TENM2: variants seen among roughly 807,000 people sequenced by gnomAD.
TENM2 encodes the protein teneurin-2.
A neutral mutation model predicts 245.2 loss-of-function variants in TENM2; 52 were observed. The ratio of observed to expected loss-of-function variants is 0.21; its 90% CI spans 0.17 to 0.27. The LOEUF is 0.27. TENM2 is among the 10% of genes least tolerant of loss of function. TENM2 has a pLI of 1.00. For missense variants in TENM2, 3,046 were observed against 3,666.8 expected (o/e 0.83, Z 4.37); for synonymous variants, 1,363 against 1,438.9 (o/e 0.95, Z 1.19).
chr5:167,735,406 T>C (rs568772358), intron 2 of TENM2, among the ~76,000 whole-genome samples: 1 of 152,352 alleles, frequency 6.6e-6, no homozygotes, highest in Admixed American at 6.5e-5. Context: ...TGAGAAAAAC[T>C]AATCAGTCAA....
At position 167,444,298 on chromosome 5, in the gene TENM2, T is replaced by TACACACACACACACACAC. The variant is rs140953889; in HGVS notation, c.502+68831_502+68848dup. Among the ~76,000 whole-genome samples, 3 of 150,396 alleles carry TACACACACACACACACAC rather than the reference T, an allele frequency of 2.0e-5. No homozygotes were observed. In the East Asian group the frequency reaches 5.9e-4, roughly 30 times the overall value. ...TTATGCACACATGCACACATACACA[T>TACACACACACACACACAC]ACACACACACACACACACACACAAT... On this transcript the variant is annotated intron_variant, in intron 2 of 28. Transcript: ENST00000518659.
At chr5:168,130,359 A>G (rs1754466918) in intron 12 of TENM2, 3 of 152,252 alleles carry the variant, frequency 2.0e-5, no homozygotes. Context: ...TAAAAGTTAA[A>G]TATATGGCAT....
At chr5:168,249,294 A>G (rs1412142193) in intron 27 of TENM2, among the ~76,000 whole-genome samples, 1 of 152,162 alleles carries the variant, frequency 6.6e-6, no homozygotes, top group Admixed American at 6.6e-5. Flanking sequence ...TCATCTGGTG[A>G]GAGACATATT....
intron 2 of TENM2, among the ~76,000 whole-genome samples, chr5:167,681,514 A>G (rs1473756731): frequency 6.6e-6 from 1 of 152,288 alleles, no homozygotes; most frequent in South Asian, 2.1e-4. Flanking sequence ...CTGGACAGAT[A>G]CCTAAAATTA....
rs78249797 is a variant in TENM2 at position 168,236,079 on chromosome 5, T to G, written c.5520+7949T>G. On this transcript the variant is annotated intron_variant, in intron 25 of 28. Coordinates refer to ENST00000518659, the Ensembl canonical transcript of TENM2. The stretch of plus-strand genomic sequence containing the variant: ...TCCAGTGTGGCTGGAGTAAACCAGC[T>G]GAGGGTAAGGTCAAGGGGTAGAGCC... Among the ~76,000 whole-genome samples, 331 of 152,312 alleles carry G rather than the reference T, an allele frequency of 2.2e-3. 3 individuals are homozygous for G. In the East Asian group the frequency reaches 0.034, roughly 16 times the overall value.
At chr5:167,940,510 G>A (rs1779091759) in intron 3 of TENM2, among the ~76,000 whole-genome samples, 1 of 152,154 alleles carries the variant, frequency 6.6e-6, no homozygotes, top group African/African-American at 2.4e-5. Flanking sequence ...CTTAAAAGAT[G>A]ACATTTGAGC....
At chr5:167,815,975 TG>T (rs1561812949) in intron 2 of TENM2, among the ~76,000 whole-genome samples, 3 of 54,638 alleles carry the variant, frequency 5.5e-5, no homozygotes, top group African/African-American at 3.5e-4. Flanking sequence ...TGATCCTTTG[TG>T]TGTGTGTGTG....
chr5:167,305,447 C>T (rs1244777538), intron 1 of TENM2, among the ~76,000 whole-genome samples: 3 of 152,212 alleles, frequency 2.0e-5, no homozygotes, highest in African/African-American at 7.2e-5. Flanking sequence ...TAGTTTCAGC[C>T]TCAGATTTTA....
chr5:167,432,455 G>T (rs909099521), intron 2 of TENM2, among the ~76,000 whole-genome samples: 1 of 151,678 alleles, frequency 6.6e-6, no homozygotes, highest in Non-Finnish European at 1.5e-5. Context: ...TTTGCTAAAC[G>T]CATTCATTAG....
chr5:167,501,534 T>A (rs1769214099), intron 2 of TENM2, among the ~76,000 whole-genome samples: 1 of 152,186 alleles, frequency 6.6e-6, no homozygotes, highest in Admixed American at 6.6e-5. Context: ...ATCTTATTAG[T>A]GATGGATCTG....
chr5:168,044,287 C>A (rs983881042), intron 5 of TENM2, among the ~76,000 whole-genome samples: 2 of 152,118 alleles, frequency 1.3e-5, no homozygotes, highest in African/African-American at 4.8e-5. Context: ...AGCATGCGGG[C>A]GCCTGTAGTC....
intron 3 of TENM2, among the ~76,000 whole-genome samples, chr5:167,876,800 A>C (rs1361037412): frequency 6.6e-6 from 1 of 152,114 alleles, no homozygotes; most frequent in Non-Finnish European, 1.5e-5. Context: ...GTGGTGTGGT[A>C]CTATGGTAAA....
intron 2 of TENM2, among the ~76,000 whole-genome samples, chr5:167,698,516 C>G (rs1243374453): frequency 6.6e-6 from 1 of 152,138 alleles, no homozygotes; most frequent in Non-Finnish European, 1.5e-5. Flanking sequence ...CCCACCTACC[C>G]AGGTCCTGGT....
the TENM2 span, among the ~76,000 whole-genome samples, chr5:167,273,597 TATGTTGGCAA>T: frequency 6.6e-6 from 1 of 152,106 alleles, no homozygotes; most frequent in Non-Finnish European, 1.5e-5. Flanking sequence ...TCTTAAAAAA[TATGTTGGCAA>T]ATGTGGTTGC....
chr5:167,878,469 G>A (rs986636116), intron 3 of TENM2, among the ~76,000 whole-genome samples: 3 of 152,104 alleles, frequency 2.0e-5, no homozygotes, highest in African/African-American at 7.2e-5. Context: ...CTTATTATCA[G>A]AGAGTTTGTT....
At chr5:167,777,488 C>T (rs537275178) in intron 2 of TENM2, among the ~76,000 whole-genome samples, 4 of 152,212 alleles carry the variant, frequency 2.6e-5, no homozygotes, top group South Asian at 4.1e-4. Flanking sequence ...GGAGGTGGTA[C>T]GACATATTTG....
chr5:168,165,291 T>C (rs1304421594), intron 13 of TENM2: 2 of 152,260 alleles, frequency 1.3e-5, no homozygotes, highest in Non-Finnish European at 2.9e-5. Flanking sequence ...GCTGGTAAGG[T>C]TCACTGCTTT....
chr5:167,131,317 A>G, the TENM2 span, among the ~76,000 whole-genome samples: 1 of 152,216 alleles, frequency 6.6e-6, no homozygotes, highest in Non-Finnish European at 1.5e-5. Flanking sequence ...AACTGCATTT[A>G]TTGAAGTATC....
intron 2 of TENM2, among the ~76,000 whole-genome samples, chr5:167,530,005 A>T (rs112480418): frequency 1.7e-3 from 262 of 152,296 alleles, no homozygotes; most frequent in African/African-American, 6.1e-3. Flanking sequence ...TTCCTTGACC[A>T]TTTTTGTGAG....
Sources: gnomAD v4.1 joint callset for allele counts (sites outside exome capture counted in the v4.1 genomes callset) on GRCh38, gnomAD v4.1.1 for gene constraint, MANE v1.5 for transcripts, NCBI Gene and HGNC (gene_info 2026-07-23, HGNC 2026-07-21) for gene names.